KSR1: variants seen among roughly 807,000 people sequenced by gnomAD.
KSR1 encodes kinase suppressor of ras.
In KSR1, 35 loss-of-function variants were observed where a neutral mutation model predicts 92.9. The observed-to-expected ratio is 0.38, with a 90% CI of 0.29 to 0.50. The LOEUF is 0.50. Among genes scored for constraint, KSR1 ranks in the 20% least tolerant of loss-of-function variants. The pLI is 0.94. For missense variants in KSR1, 972 were observed against 1,158.5 expected (o/e 0.84, Z 2.34); for synonymous variants, 467 against 472.6 (o/e 0.99, Z 0.15).
intron 2 of KSR1, among the ~76,000 whole-genome samples, chr17:27,574,943 T>C (rs946218318): frequency 6.6e-6 from 1 of 152,212 alleles, no homozygotes; most frequent in African/African-American, 2.4e-5. Flanking sequence ...CTTACTGCAT[T>C]GTAGTTACCT....
At chr17:27,535,311 T>C (rs2070715897) in intron 1 of KSR1, among the ~76,000 whole-genome samples, 1 of 152,056 alleles carries the variant, frequency 6.6e-6, no homozygotes, top group Non-Finnish European at 1.5e-5. Flanking sequence ...TGTGACTGAG[T>C]GTGAGGTGCT....
At chr17:27,464,509 C>G (rs1209996459) in intron 1 of KSR1, among the ~76,000 whole-genome samples, 1 of 152,040 alleles carries the variant, frequency 6.6e-6, no homozygotes, top group African/African-American at 2.4e-5. Context: ...TCCCTTGAGT[C>G]AAGGAGTTTG....
intron 1 of KSR1, among the ~76,000 whole-genome samples, chr17:27,544,399 G>T (rs1041684299): frequency 2.6e-5 from 4 of 152,232 alleles, no homozygotes; most frequent in African/African-American, 9.6e-5. Flanking sequence ...AGCCAAGGGG[G>T]ATTTCCCCAA....
chr17:27,531,130 A>G (rs1444611926), intron 1 of KSR1, among the ~76,000 whole-genome samples: 1 of 151,824 alleles, frequency 6.6e-6, no homozygotes, highest in South Asian at 2.1e-4. Flanking sequence ...TCCCCGCTTC[A>G]TTCTCCTCCC....
chr17:27,493,867 C>T (rs1022371026), intron 1 of KSR1, among the ~76,000 whole-genome samples: 1 of 152,160 alleles, frequency 6.6e-6, no homozygotes, highest in African/African-American at 2.4e-5. Flanking sequence ...AAAAGCAAAA[C>T]AACCTCTGCC....
chr17:27,612,565 C>T (rs1251882499), intron 18 of KSR1: 1 of 152,248 alleles, frequency 6.6e-6, no homozygotes, highest in Non-Finnish European at 1.5e-5. Flanking sequence ...ATTTGTGACT[C>T]TCTTTTGATT....
chr17:27,518,333 G>C (rs947171916), intron 1 of KSR1, among the ~76,000 whole-genome samples: 4 of 152,160 alleles, frequency 2.6e-5, no homozygotes, highest in Non-Finnish European at 5.9e-5. Context: ...CTTAATACTG[G>C]GTGGAGTAGC....
Position 27,577,393 on chromosome 17 carries a change from C to G in KSR1, c.373-99C>G. 1 of 712,698 alleles carries G rather than the reference C, an allele frequency of 1.4e-6. No individual in the cohort carries two copies. Among genetic ancestry groups the G allele is most frequent in the Admixed American group, 2.7e-5 (1 of 37,022 alleles). 44.1% of individuals were successfully genotyped at this position (712,698 alleles called of 1,614,324 possible). A position where few individuals can be genotyped will look rare whatever the true frequency, so the allele number is the denominator to read the frequency against. ...GGTCAGAGGCCGGCCCAGCCAGCAG[C>G]TGGCCCCTGCCACTCAGCAGGAGGC... On this transcript the variant is annotated intron_variant, in intron 2 of 20. Coordinates refer to ENST00000644974, the MANE Select transcript of KSR1 (RefSeq NM_001394583.1). The surrounding 1 kb of genome is among the most constrained non-coding windows in gnomAD (Gnocchi z 4.5).
At position 27,592,329 on chromosome 17, in the gene KSR1, G is replaced by T. The variant is rs760775325; in HGVS notation, c.1131-32G>T. ...GTGTGCCTGAGCCCCCCCATGTGGT[G>T]CTTTGCACACCAACCTCCCCTTCTT... On this transcript the variant is annotated intron_variant, in intron 7 of 20. Coordinates refer to ENST00000644974, the MANE Select transcript of KSR1 (RefSeq NM_001394583.1). The T allele has an allele frequency of 5.4e-5, 87 of 1,601,832 alleles. No individual in the cohort carries two copies. The African/African-American group carries it at 8.7e-4, about 16-fold the overall frequency.
chr17:27,605,064 G>A (rs1598132153), intron 13 of KSR1, among the ~76,000 whole-genome samples: 1 of 152,224 alleles, frequency 6.6e-6, no homozygotes, highest in East Asian at 1.9e-4. Context: ...CTGCCCAGGG[G>A]AGAGTCAGAA....
At chr17:27,594,356 A>G (rs966964622) in intron 9 of KSR1, among the ~76,000 whole-genome samples, 2 of 151,614 alleles carry the variant, frequency 1.3e-5, no homozygotes, top group Non-Finnish European at 2.9e-5. Context: ...CATTGCCAAC[A>G]ATGTCATAAT....
intron 2 of KSR1, among the ~76,000 whole-genome samples, chr17:27,574,106 C>T (rs533284097): frequency 6.6e-6 from 1 of 152,162 alleles, no homozygotes; most frequent in Non-Finnish European, 1.5e-5. Flanking sequence ...GAGAGACAAA[C>T]TGAGGACACC....
chr17:27,478,970 CCTT>C (rs2068426422), intron 1 of KSR1, among the ~76,000 whole-genome samples: 1 of 151,568 alleles, frequency 6.6e-6, no homozygotes, highest in Non-Finnish European at 1.5e-5. Context: ...GCTCCTCCCT[CCTT>C]CCATGCTCCT....
rs2072542539 is a variant in KSR1 at position 27,577,199 on chromosome 17, G to T, written c.373-293G>T. 6.6e-6 allele frequency among the ~76,000 whole-genome samples: 1 copy of T among 151,984 alleles called. No homozygotes were observed. The highest frequency in any genetic ancestry group is 2.4e-5 in the African/African-American group (1 of 41,392). ...TTATGACTCGCTGTTTTTTTTCTGT[G>T]CAGAGGAGTAAGAAGAAACAAGCTG... On this transcript the variant is annotated intron_variant, in intron 2 of 20. Transcript: ENST00000644974. This position sits in a 1 kb window ranked among gnomAD's most constrained non-coding sequence, Gnocchi z 4.5.
At chr17:27,605,062 G>A (rs910833596) in intron 13 of KSR1, among the ~76,000 whole-genome samples, 5 of 152,218 alleles carry the variant, frequency 3.3e-5, no homozygotes, top group African/African-American at 1.2e-4. Context: ...TCCTGCCCAG[G>A]GGAGAGTCAG....
chr17:27,550,381 G>A (rs1430131865), intron 1 of KSR1, among the ~76,000 whole-genome samples, 187 bp from the exon 2 acceptor site: 1 of 152,178 alleles, frequency 6.6e-6, no homozygotes, highest in Non-Finnish European at 1.5e-5. Flanking sequence ...GTGGCCACCA[G>A]CCTCTGCCTG....
chr17:27,573,422 C>T (rs1838891876), intron 2 of KSR1, among the ~76,000 whole-genome samples: 1 of 152,158 alleles, frequency 6.6e-6, no homozygotes, highest in Non-Finnish European at 1.5e-5. Flanking sequence ...GAGCTACCTC[C>T]TTAGATATTT....
At chr17:27,601,851 C>T in intron 11 of KSR1, 1 of 1,497,692 alleles carries the variant, frequency 6.7e-7, no homozygotes, top group East Asian at 2.3e-5. Flanking sequence ...GGTCTGCGGG[C>T]TTCTCTTAGT....
In KSR1 at chr17:27,604,712, A is replaced by G; in HGVS notation, c.1598A>G (p.Glu533Gly). 1 of 1,614,032 alleles carries G rather than the reference A, an allele frequency of 6.2e-7. No individual in the cohort carries two copies. Among genetic ancestry groups the G allele is most frequent in the South Asian group, 1.1e-5 (1 of 91,090 alleles). Residue 533 changes from glutamate to glycine, a missense_variant, in exon 13 of 21, where the codon GAA (glutamate) becomes GGA (glycine). This residue lies in a region of KSR1 where 611 missense variants were observed against 668.0 expected (regional missense o/e 0.91). Transcript: ENST00000644974. ...GACCAGCCGAAAGCAGATGTGTTGG[A>G]AGCTCACGAAGCGGAGGTGAGGGTG... Reference protein sequence around the residue: ...LDDQPKADVLEAHEAEAEEPE... With the variant: ...LDDQPKADVLGAHEAEAEEPE...
Sources: allele counts gnomAD v4.1 joint callset (sites outside exome capture counted in the v4.1 genomes callset), GRCh38; gene constraint gnomAD v4.1.1; regional missense constraint gnomAD v4.1.1; non-coding constraint Gnocchi (gnomAD v3.1); transcripts MANE v1.5; gene names NCBI Gene and HGNC (gene_info 2026-07-23, HGNC 2026-07-21).